SLC41A3: variants seen among roughly 807,000 people sequenced by gnomAD.
The protein encoded by SLC41A3 is solute carrier family 41 member 3.
A neutral mutation model predicts 45.4 loss-of-function variants in SLC41A3; 44 were observed. The observed-to-expected ratio is 0.97, with a 90% confidence interval of 0.76 to 1.25. The LOEUF (loss-of-function observed/expected upper bound fraction) is 1.25. Among genes scored for constraint, SLC41A3 ranks in the 50% most tolerant of loss-of-function variants. The pLI is 0.00. For synonymous variants in SLC41A3, 256 were observed against 252.4 expected, an observed-to-expected ratio of 1.01 and a Z score of -0.13; for missense variants, 550 against 600.6, an observed-to-expected ratio of 0.92 and a Z score of 0.88.
At chr3:126,056,656 C>G in intron 2 of SLC41A3, 1 of 1,469,640 alleles carries the variant, frequency 6.8e-7, no homozygotes, top group Non-Finnish European at 9.0e-7. Context: ...AAGAAGTCCA[C>G]ACAAACAGAA....
intron 9 of SLC41A3, among the ~76,000 whole-genome samples, chr3:126,011,214 A>T (rs1939672320): frequency 6.6e-6 from 1 of 152,212 alleles, no homozygotes; most frequent in South Asian, 2.1e-4. Flanking sequence ...AAGCAAAGAA[A>T]TAGAAAGTCT....
At chr3:126,012,548 C>G in intron 9 of SLC41A3, 67 bp downstream of exon 9, 1 of 1,593,296 alleles carries the variant, frequency 6.3e-7, no homozygotes, top group South Asian at 1.1e-5. Flanking sequence ...CACCAGATTC[C>G]AATGACACCG....
At chr3:126,086,502 G>C (rs1349619851), upstream of SLC41A3, among the ~76,000 whole-genome samples, 1 of 18,736 alleles carries the variant, frequency 5.3e-5, no homozygotes, top group East Asian at 8.9e-4. Context: ...TAGGATCTGT[G>C]TGTGTGTGTG....
chr3:126,023,199 G>A, intron 5 of SLC41A3: 1 of 391,606 alleles, frequency 2.6e-6, no homozygotes, highest in Non-Finnish European at 4.6e-6. Context: ...GCTAAGGAGT[G>A]ACCCGTGGCT....
intron 3 of SLC41A3, among the ~76,000 whole-genome samples, chr3:126,049,845 C>A (rs1943207540): frequency 6.6e-6 from 1 of 152,226 alleles, no homozygotes; most frequent in South Asian, 2.1e-4. Context: ...CCTCTGGAAG[C>A]TCTAGGGGAG....
intron 7 of SLC41A3, among the ~76,000 whole-genome samples, chr3:126,016,282 G>C (rs549498017): frequency 6.7e-6 from 1 of 149,006 alleles, no homozygotes; most frequent in Non-Finnish European, 1.5e-5. Flanking sequence ...CAGCTGTCTA[G>C]GTCCCACCAG....
chr3:126,024,149 G>A (rs1941147035), intron 5 of SLC41A3: 1 of 152,198 alleles, frequency 6.6e-6, no homozygotes, highest in Non-Finnish European at 1.5e-5. Context: ...CTTCAACACT[G>A]CCTGGTGAGG....
chr3:126,011,967 C>T (rs1393167060), intron 9 of SLC41A3, among the ~76,000 whole-genome samples: 1 of 152,202 alleles, frequency 6.6e-6, no homozygotes, highest in Admixed American at 6.5e-5. Context: ...CAAAAGCTTC[C>T]AGTGGTTCTG....
intron 2 of SLC41A3, among the ~76,000 whole-genome samples, chr3:126,061,443 G>A (rs1016419386): frequency 1.3e-5 from 2 of 151,928 alleles, no homozygotes; most frequent in Non-Finnish European, 2.9e-5. Flanking sequence ...CCCTCCGCAG[G>A]GCCGCTCCCA....
chr3:126,073,707 G>C (rs1944740329), intron 1 of SLC41A3, among the ~76,000 whole-genome samples: 1 of 152,052 alleles, frequency 6.6e-6, no homozygotes, highest in Non-Finnish European at 1.5e-5. Context: ...TACAGATAAA[G>C]AGATTGAATT....
chr3:126,053,611 A>G (rs1943478832), intron 2 of SLC41A3, among the ~76,000 whole-genome samples: 1 of 152,184 alleles, frequency 6.6e-6, no homozygotes. Flanking sequence ...AGACTTCTTT[A>G]CAGAGATAAT....
intron 1 of SLC41A3, among the ~76,000 whole-genome samples, chr3:126,089,539 C>T (rs993300996): frequency 1.3e-5 from 2 of 152,060 alleles, no homozygotes; most frequent in Non-Finnish European, 2.9e-5. Context: ...ATTGGACACA[C>T]CAAATGGGAA....
chr3:126,006,861 C>T lies in SLC41A3; in HGVS notation c.*155G>A, dbSNP rs377615040. 38 of 1,488,832 alleles carry T rather than the reference C, an allele frequency of 2.6e-5. No homozygotes were observed. The highest frequency in any genetic ancestry group is 2.0e-4 in the African/African-American group (14 of 71,350). 92.2% of individuals were successfully genotyped at this position (1,488,832 alleles called of 1,614,324 possible). On this transcript the variant is annotated 3_prime_UTR_variant, in exon 11 of 11. Coordinates refer to ENST00000360370, the MANE Select transcript of SLC41A3 (RefSeq NM_017836.4). ...CAGGCTCAGGTATCAACCCCAGAGC[C>T]GAGGTGTGTGAGAGCTACCTTAGCA...
intron 2 of SLC41A3, among the ~76,000 whole-genome samples, chr3:126,059,032 T>C (rs1262630465): frequency 6.6e-6 from 1 of 151,492 alleles, no homozygotes. Flanking sequence ...AAGCATAAAA[T>C]GCAGGTGTAT....
At chr3:126,011,819 A>T (rs934678017) in intron 9 of SLC41A3, among the ~76,000 whole-genome samples, 10 of 152,270 alleles carry the variant, frequency 6.6e-5, no homozygotes, top group Non-Finnish European at 1.5e-4. Context: ...TTTTACAACC[A>T]GTGAAAATAT....
At chr3:126,053,841 C>T (rs1297635331) in intron 2 of SLC41A3, among the ~76,000 whole-genome samples, 8 of 152,276 alleles carry the variant, frequency 5.3e-5, no homozygotes, top group Middle Eastern at 3.4e-3. Flanking sequence ...CCTTGCCACC[C>T]GTGTCCTTCC....
At chr3:126,051,442 C>A (rs1264031707) in intron 2 of SLC41A3, among the ~76,000 whole-genome samples, 1 of 131,882 alleles carries the variant, frequency 7.6e-6, no homozygotes, top group Non-Finnish European at 1.7e-5. Context: ...AGGGCCCTGA[C>A]TCTACCGGGG....
chr3:126,059,706 T>C (rs538133520), intron 2 of SLC41A3, among the ~76,000 whole-genome samples: 16 of 152,250 alleles, frequency 1.1e-4, no homozygotes, highest in African/African-American at 3.4e-4. Flanking sequence ...AAACAGGAGA[T>C]TGAACCGGCA....
At chr3:126,023,045 A>G (rs1576237128) in intron 5 of SLC41A3, 113 bp from the exon 6 acceptor site, 1 of 1,434,946 alleles carries the variant, frequency 7.0e-7, no homozygotes, top group Non-Finnish European at 9.4e-7. Flanking sequence ...GGCAGGTGGC[A>G]GGGAGGCTGC....
Sources: gnomAD v4.1 joint callset for allele counts (sites outside exome capture counted in the v4.1 genomes callset) on GRCh38, gnomAD v4.1.1 for gene constraint, MANE v1.5 for transcripts, NCBI Gene and HGNC (gene_info 2026-07-23, HGNC 2026-07-21) for gene names.